The following PHF2 variants were observed in gnomAD, a reference collection of about 807,000 sequenced individuals.
PHF2 encodes lysine-specific demethylase PHF2.
In PHF2, 27 loss-of-function variants were observed where a neutral mutation model predicts 120.5. The observed-to-expected ratio is 0.22, with a 90% CI of 0.17 to 0.31. The LOEUF is 0.31. Among genes scored for constraint, PHF2 ranks in the 10% least tolerant of loss-of-function variants. The pLI, the probability that PHF2 is intolerant of heterozygous loss-of-function variation, is 1.00. For missense variants in PHF2, 1,024 were observed against 1,434.8 expected, an observed-to-expected ratio of 0.71 and a Z score of 4.63; for synonymous variants, 568 against 592.5, an observed-to-expected ratio of 0.96 and a Z score of 0.60.
intron 1 of PHF2, among the ~76,000 whole-genome samples, chr9:93,596,285 A>T (rs1825331349): frequency 6.6e-6 from 1 of 152,110 alleles, no homozygotes; most frequent in African/African-American, 2.4e-5. Flanking sequence ...CAGCTGGAGG[A>T]GTGGAGCTGA....
At position 93,645,806 on chromosome 9, in the gene PHF2, T is replaced by A; in HGVS notation, c.460+17T>A. On this transcript the variant is annotated intron_variant, in intron 4 of 21. Coordinates refer to ENST00000359246, the MANE Select transcript of PHF2 (RefSeq NM_005392.4). ...ACTACGTGGGTAAGCGCCATCCCCT[T>A]CACAGTGCTCTGGGGCTGGAGCTGG... 4 of 1,558,674 alleles carry A rather than the reference T, an allele frequency of 2.6e-6. No individual in the cohort carries two copies. Among genetic ancestry groups the A allele is most frequent in the Non-Finnish European group, 3.5e-6 (4 of 1,148,370 alleles).
intron 1 of PHF2, among the ~76,000 whole-genome samples, chr9:93,585,949 A>G (rs572332681): frequency 1.3e-5 from 2 of 152,334 alleles, no homozygotes; most frequent in South Asian, 4.1e-4. Context: ...CCACCTCACC[A>G]GCAGGTCTGG....
chr9:93,664,489 C>T (rs1371013114), intron 14 of PHF2, among the ~76,000 whole-genome samples: 2 of 152,220 alleles, frequency 1.3e-5, no homozygotes, highest in Admixed American at 1.3e-4. Flanking sequence ...GGGGCGGCCA[C>T]TTTTCTGCAG....
chr9:93,675,400 C>CT (rs1460118336), intron 19 of PHF2, among the ~76,000 whole-genome samples: 7 of 152,234 alleles, frequency 4.6e-5, no homozygotes, highest in Non-Finnish European at 4.4e-5. Flanking sequence ...GGGGTGAGGC[C>CT]TTGTCCACCT....
At chr9:93,621,949 ACC>A in intron 1 of PHF2, among the ~76,000 whole-genome samples, 1 of 151,886 alleles carries the variant, frequency 6.6e-6, no homozygotes, top group African/African-American at 2.4e-5. Flanking sequence ...TGGTGCACCA[ACC>A]CCTGGACTAT....
intron 1 of PHF2, among the ~76,000 whole-genome samples, chr9:93,628,901 C>CT (rs993346097): frequency 6.6e-4 from 100 of 151,530 alleles, no homozygotes; most frequent in African/African-American, 2.3e-3. Flanking sequence ...TCTCACGTCA[C>CT]TTTTTTTTTG....
intron 13 of PHF2, 103 bp downstream of exon 13, chr9:93,663,129 A>T (rs1247411548): frequency 1.3e-6 from 2 of 1,496,596 alleles, no homozygotes; most frequent in Non-Finnish European, 1.8e-6. Context: ...ATGTGCAGAC[A>T]TGTGTCTGCT....
At chr9:93,615,195 G>A (rs1344780027) in intron 1 of PHF2, among the ~76,000 whole-genome samples, 6 of 139,872 alleles carry the variant, frequency 4.3e-5, no homozygotes, top group Non-Finnish European at 7.9e-5. Flanking sequence ...TGGCGATGGT[G>A]ATGATGATGG....
At position 93,679,064 on chromosome 9, in the gene PHF2, A is replaced by G; in HGVS notation, c.*1388A>G. 1 of 351,006 alleles carries G rather than the reference A, an allele frequency of 2.8e-6. No individual in the cohort carries two copies. Among genetic ancestry groups the G allele is most frequent in the South Asian group, 2.1e-5 (1 of 46,560 alleles). 21.7% of individuals were successfully genotyped at this position (351,006 alleles called of 1,614,324 possible). On this transcript the variant is annotated 3_prime_UTR_variant, in exon 22 of 22. Coordinates refer to ENST00000359246, the MANE Select transcript of PHF2 (RefSeq NM_005392.4). Reference sequence around the variant, plus strand: ...GTATGATGAGGGGATTGGGGGATACAGTTATTTTACTAGCACCTTGTGAAG... The same window carrying G: ...GTATGATGAGGGGATTGGGGGATACGGTTATTTTACTAGCACCTTGTGAAG...
chr9:93,660,434 A>G lies in PHF2; in HGVS notation c.1572A>G (p.Lys524=), dbSNP rs1471704497. The change falls in exon 12 of 22, where the codon AAA becomes AAG. Residue 524 remains lysine, a synonymous_variant. Transcript: ENST00000359246. ...PPRPPKTLKL[K]DGGKKKGKKS... ...GGCCCCCCAAAACGCTGAAGCTCAA[A>G]GATGGAGGCAAGAAGAAAGGGAAGA... is the stretch of plus-strand genomic sequence containing the variant. 2 of 1,557,394 alleles carry G rather than the reference A, an allele frequency of 1.3e-6. No homozygotes were observed.
intron 17 of PHF2, among the ~76,000 whole-genome samples, chr9:93,669,335 G>T (rs1396317875): frequency 6.6e-6 from 1 of 152,254 alleles, no homozygotes; most frequent in African/African-American, 2.4e-5. Context: ...GCTGGGGCTG[G>T]GAGAGCCTGC....
chr9:93,595,841 C>T (rs1825321563), intron 1 of PHF2, among the ~76,000 whole-genome samples: 1 of 152,224 alleles, frequency 6.6e-6, no homozygotes, highest in African/African-American at 2.4e-5. Flanking sequence ...GATGTTAATC[C>T]ATTTTCTCTA....
At chr9:93,657,576 C>T (rs137897378) in intron 9 of PHF2, among the ~76,000 whole-genome samples, 143 of 152,302 alleles carry the variant, frequency 9.4e-4, no homozygotes, top group African/African-American at 3.1e-3. Flanking sequence ...TCTGAGTGGA[C>T]GACAGTTCAG....
At chr9:93,603,348 G>A (rs1009674395) in intron 1 of PHF2, among the ~76,000 whole-genome samples, 2 of 152,172 alleles carry the variant, frequency 1.3e-5, no homozygotes, top group Non-Finnish European at 2.9e-5. Flanking sequence ...GGCAGGGAAG[G>A]CTGGCATTTC....
intron 1 of PHF2, among the ~76,000 whole-genome samples, chr9:93,598,327 C>T (rs1029996295): frequency 2.0e-5 from 3 of 152,202 alleles, no homozygotes; most frequent in African/African-American, 4.8e-5. Context: ...GGCCGTGCTG[C>T]GGGAACCCTG....
At chr9:93,667,898 G>A (rs573508383) in intron 17 of PHF2, among the ~76,000 whole-genome samples, 1 of 152,280 alleles carries the variant, frequency 6.6e-6, no homozygotes, top group South Asian at 2.1e-4. Context: ...GCCTGTGCTT[G>A]GGTCCTGCTC....
At chr9:93,595,651 C>T (rs142353161) in intron 1 of PHF2, among the ~76,000 whole-genome samples, 335 of 152,366 alleles carry the variant, frequency 2.2e-3, no homozygotes, top group African/African-American at 7.5e-3. Context: ...TTTGCATCTT[C>T]TGTGAACAAG....
At chr9:93,593,251 C>G (rs1825269189) in intron 1 of PHF2, among the ~76,000 whole-genome samples, 4 of 152,128 alleles carry the variant, frequency 2.6e-5, no homozygotes, top group Admixed American at 2.6e-4. Context: ...GGCTGCACCC[C>G]CTGGACCCAA....
chr9:93,590,945 A>G (rs1825207298), intron 1 of PHF2, among the ~76,000 whole-genome samples: 1 of 152,218 alleles, frequency 6.6e-6, no homozygotes, highest in Non-Finnish European at 1.5e-5. Context: ...TTCTCCCCAG[A>G]TGCCTTCACA....
Sources: gnomAD v4.1 joint callset for allele counts (sites outside exome capture counted in the v4.1 genomes callset) on GRCh38, gnomAD v4.1.1 for gene constraint, MANE v1.5 for transcripts, NCBI Gene and HGNC (gene_info 2026-07-23, HGNC 2026-07-21) for gene names.